Variants in MYLK3 observed in about 807,000 individuals in gnomAD.
MYLK3 encodes the protein myosin light chain kinase 3, also known as MLC kinase.
In MYLK3, 55 loss-of-function variants were observed where a neutral mutation model predicts 76.3. The ratio of observed to expected loss-of-function variants is 0.72; its 90% CI spans 0.58 to 0.90. MYLK3 has a LOEUF of 0.90. Ranked by LOEUF, MYLK3 falls within the 40% of genes least tolerant of loss-of-function variation. MYLK3 has a pLI of 0.00. For missense variants in MYLK3, 973 were observed against 1,053.6 expected, an observed-to-expected ratio of 0.92 and a Z score of 1.06; for synonymous variants, 416 against 425.4, an observed-to-expected ratio of 0.98 and a Z score of 0.27.
upstream of MYLK3, among the ~76,000 whole-genome samples, chr16:46,749,599 A>C (rs142426645): frequency 4.5e-4 from 69 of 152,350 alleles, no homozygotes; most frequent in African/African-American, 1.6e-3. Context: ...TCTACAAAAA[A>C]TAAGCCAGGC....
At chr16:46,711,039 C>T (rs1966678209) in intron 10 of MYLK3, 1 of 498,916 alleles carries the variant, frequency 2.0e-6, no homozygotes, top group Non-Finnish European at 3.6e-6. Flanking sequence ...CACCTCTTTC[C>T]ACCTCATTCC....
intron 1 of MYLK3, among the ~76,000 whole-genome samples, chr16:46,744,181 C>T (rs887256951): frequency 3.3e-5 from 5 of 151,734 alleles, no homozygotes; most frequent in Non-Finnish European, 4.4e-5. Flanking sequence ...TACAAGTGCA[C>T]GCCACCATGC....
At chr16:46,714,079 A>C (rs1314993989) in intron 9 of MYLK3, among the ~76,000 whole-genome samples, 1 of 152,218 alleles carries the variant, frequency 6.6e-6, no homozygotes, top group Non-Finnish European at 1.5e-5. Context: ...CTAGGAAGAG[A>C]GTCAACGGTT....
chr16:46,709,677 A>G lies in MYLK3; in HGVS notation c.2268-6T>C. 1 of 1,608,898 alleles carries G rather than the reference A, an allele frequency of 6.2e-7. No homozygotes were observed. The highest frequency in any genetic ancestry group is 2.2e-5 in the East Asian group (1 of 44,852). ...GTGTGGCACTCATTCTGCAGCTGTG[A>G]AATCAAAGAGCAGTTAAGACTTTTA... On this transcript the variant is annotated splice_region_variant and splice_polypyrimidine_tract_variant and intron_variant, in intron 11 of 12. Transcript: ENST00000394809.
intron 2 of MYLK3, among the ~76,000 whole-genome samples, 156 bp from the exon 3 acceptor site, chr16:46,738,299 A>G (rs1966882890): frequency 6.6e-6 from 1 of 152,270 alleles, no homozygotes; most frequent in Non-Finnish European, 1.5e-5. Context: ...TGACTAAACC[A>G]TGATGCATCC....
rs1258157232 is a variant in MYLK3, at chr16:46,732,594, G to C, written c.1076C>G (p.Thr359Ser). ...AGCTGCTGGAGCCTCTGTGGTGAGG[G>C]TGGGTCCAAGGCTGCCCCTGCCTGT... ...LMTGRGSLGP[T>S]LTTEAPAAAQ... The change falls in exon 4 of 13, where the codon ACC becomes AGC. Residue 359 changes from threonine to serine, a missense_variant. Thr to Ser is a moderately conservative substitution (Grantham distance 58). This residue lies in a region of MYLK3 where 641 missense variants were observed against 637.0 expected (regional missense o/e 1.01). Coordinates refer to ENST00000394809, the MANE Select transcript of MYLK3 (RefSeq NM_182493.3). 2 of 1,596,206 alleles carry C rather than the reference G, an allele frequency of 1.3e-6. No individual in the cohort carries two copies. The highest frequency in any genetic ancestry group is 1.7e-6 in the Non-Finnish European group (2 of 1,178,108).
intron 8 of MYLK3, chr16:46,725,877 T>A (rs186836795): frequency 1.4e-4 from 22 of 152,352 alleles, no homozygotes; most frequent in Non-Finnish European, 2.1e-4. Context: ...CATTTGCTTT[T>A]GGGTTCTTGC....
intron 1 of MYLK3, among the ~76,000 whole-genome samples, chr16:46,758,582 G>A (rs1046248481): frequency 6.6e-6 from 1 of 152,160 alleles, no homozygotes; most frequent in African/African-American, 2.4e-5. Flanking sequence ...TGGGGACAGC[G>A]TTCCAACACC....
At chr16:46,736,387 C>T (rs1323645033) in intron 3 of MYLK3, among the ~76,000 whole-genome samples, 3 of 152,216 alleles carry the variant, frequency 2.0e-5, no homozygotes, top group Non-Finnish European at 2.9e-5. Context: ...AAAATACACC[C>T]ATGTCTGAGG....
At chr16:46,743,360 A>G (rs1344568022) in intron 1 of MYLK3, among the ~76,000 whole-genome samples, 1 of 152,236 alleles carries the variant, frequency 6.6e-6, no homozygotes, top group Non-Finnish European at 1.5e-5. Context: ...ACAGTCCCCA[A>G]GAAGCCTCCA....
At chr16:46,742,227 GA>G (rs34652691) in intron 1 of MYLK3, among the ~76,000 whole-genome samples, 49 of 149,318 alleles carry the variant, frequency 3.3e-4, no homozygotes, top group South Asian at 6.4e-4. Context: ...AAACTCACTA[GA>G]AAAAAAAAAA....
intron 1 of MYLK3, among the ~76,000 whole-genome samples, chr16:46,746,932 C>G (rs1967036171): frequency 6.6e-6 from 1 of 152,166 alleles, no homozygotes; most frequent in African/African-American, 2.4e-5. Flanking sequence ...GCAGCCGACA[C>G]AGAGTCAAGC....
intron 9 of MYLK3, among the ~76,000 whole-genome samples, chr16:46,719,833 C>G (rs900137836): frequency 6.6e-6 from 1 of 152,224 alleles, no homozygotes; most frequent in Non-Finnish European, 1.5e-5. Context: ...GCAACATTAG[C>G]CACACTGCAC....
chr16:46,746,716 C>A lies in MYLK3; in HGVS notation c.477+1001G>T, dbSNP rs553389861. Among the ~76,000 whole-genome samples the A allele has an allele frequency of 2.0e-5, 3 of 152,352 alleles. No homozygotes were observed. The South Asian group carries it at 6.2e-4, about 32-fold the overall frequency. ...CTAGGATTACAGGCATCAGCCACTG[C>A]ACCCAGCATAATTTTATTTTTTAAA... is the stretch of plus-strand genomic sequence containing the variant. On this transcript the variant is annotated intron_variant, in intron 1 of 12. Transcript: ENST00000394809.
intron 3 of MYLK3, 152 bp from the exon 4 acceptor site, chr16:46,732,820 A>G: frequency 1.6e-6 from 1 of 615,176 alleles, no homozygotes; most frequent in Non-Finnish European, 2.7e-6. Context: ...CTTCAGTGAC[A>G]GTTGGTGCCA....
At chr16:46,757,963 G>A (rs192158415) in intron 1 of MYLK3, among the ~76,000 whole-genome samples, 37 of 152,322 alleles carry the variant, frequency 2.4e-4, no homozygotes, top group African/African-American at 8.2e-4. Flanking sequence ...CAGCAGAGAG[G>A]TGGCGGCCCT....
intron 9 of MYLK3, among the ~76,000 whole-genome samples, chr16:46,715,775 T>C (rs1197908671): frequency 2.0e-5 from 3 of 152,228 alleles, no homozygotes; most frequent in Non-Finnish European, 4.4e-5. Context: ...GTGCCTCCAC[T>C]GCACCAGGAG....
Position 46,707,444 on chromosome 16 carries a change from AC to A in MYLK3, c.*259del. Reference sequence around the variant, plus strand: ...ACCTACCTAAAGCATCCCTACACTTACCACCAAAAGTAGGTATATTTGAAAG... The same window carrying A: ...ACCTACCTAAAGCATCCCTACACTTACACCAAAAGTAGGTATATTTGAAAG... On this transcript the variant is annotated 3_prime_UTR_variant, in exon 13 of 13. Coordinates refer to ENST00000394809, the MANE Select transcript of MYLK3 (RefSeq NM_182493.3). 2.5e-6 allele frequency: 1 copy of A among 401,086 alleles called. No homozygotes were observed. Among genetic ancestry groups the A allele is most frequent in the Non-Finnish European group, 4.4e-6 (1 of 225,040 alleles). 24.8% of individuals were successfully genotyped at this position (401,086 alleles called of 1,614,324 possible).
chr16:46,744,894 T>C (rs1294875190), intron 1 of MYLK3, among the ~76,000 whole-genome samples: 1 of 152,190 alleles, frequency 6.6e-6, no homozygotes, highest in African/African-American at 2.4e-5. Flanking sequence ...GTATCAAGAT[T>C]ATGTTTTTTA....
Sources: gnomAD v4.1 joint callset for allele counts (sites outside exome capture counted in the v4.1 genomes callset) on GRCh38, gnomAD v4.1.1 for gene constraint, gnomAD v4.1.1 regional missense constraint, MANE v1.5 for transcripts, NCBI Gene and HGNC (gene_info 2026-07-23, HGNC 2026-07-21) for gene names.